Variants in LRIG1 observed in about 807,000 individuals in gnomAD.
The protein encoded by LRIG1 is leucine-rich repeats and immunoglobulin-like domains protein 1.
LRIG1 carries 48 observed loss-of-function variants against 99.2 expected under a neutral mutation model. The observed-to-expected ratio is 0.48, with a 90% CI of 0.38 to 0.62. LRIG1 has a LOEUF of 0.62. Among genes scored for constraint, LRIG1 ranks in the 20% least tolerant of loss-of-function variants. The pLI, the probability that LRIG1 is intolerant of heterozygous loss-of-function variation, is 0.00. For missense variants in LRIG1, 1,646 were observed against 1,434.4 expected (o/e 1.15, Z -2.38); for synonymous variants, 772 against 596.1 (o/e 1.29, Z -4.30).
At chr3:66,488,465 AAAAAAAAAC>A (rs1559824917) in intron 1 of LRIG1, among the ~76,000 whole-genome samples, 1 of 127,356 alleles carries the variant, frequency 7.9e-6, no homozygotes, top group Non-Finnish European at 1.8e-5. Flanking sequence ...TGTCTCTACT[AAAAAAAAAC>A]AAAAAAAAAA....
chr3:66,381,455 C>T (rs1017743601), intron 17 of LRIG1, 24 bp downstream of exon 17: 1 of 1,597,540 alleles, frequency 6.3e-7, no homozygotes, highest in African/African-American at 1.3e-5. Flanking sequence ...AAAGAAACTA[C>T]TTCCAATGGG....
At chr3:66,477,331 C>T (rs1264002855) in intron 1 of LRIG1, among the ~76,000 whole-genome samples, 1 of 152,184 alleles carries the variant, frequency 6.6e-6, no homozygotes, top group Non-Finnish European at 1.5e-5. Flanking sequence ...GTCATTTGCC[C>T]TCTGGATTCC....
chr3:66,382,456 C>T, intron 15 of LRIG1, 58 bp from the exon 16 acceptor site: 8 of 1,601,018 alleles, frequency 5.0e-6, no homozygotes, highest in East Asian at 2.2e-5. Context: ...AATGCAGACA[C>T]ACGTTCACTG....
chr3:66,435,190 G>T (rs1703314983), intron 3 of LRIG1, among the ~76,000 whole-genome samples: 1 of 152,090 alleles, frequency 6.6e-6, no homozygotes, highest in Non-Finnish European at 1.5e-5. Context: ...ATCCCAAAAG[G>T]TTATCCATAC....
rs576361868 is a variant in LRIG1, at chr3:66,398,992, C to G, written c.1210G>C (p.Gly404Arg). The G allele has an allele frequency of 1.2e-6, 2 of 1,614,072 alleles. No homozygotes were observed. The highest frequency in any genetic ancestry group is 2.7e-5 in the African/African-American group (2 of 74,934). ...CACAGGTGCTCCAGGCCTTCCAGCC[C>G]CGAGAATGCTCTCTTAGCCACAGAC... Reference protein sequence around the residue: ...IKSVAKRAFSGLEGLEHLNLG... With the variant: ...IKSVAKRAFSRLEGLEHLNLG... Residue 404 changes from glycine (G) to arginine (R), a missense_variant, in exon 10 of 19, where the codon GGG becomes CGG. Physicochemically the swap from Gly to Arg is moderately radical, Grantham distance 125. Coordinates refer to ENST00000273261, the MANE Select transcript of LRIG1 (RefSeq NM_015541.3).
chr3:66,411,037 T>G (rs1044802912), intron 6 of LRIG1, among the ~76,000 whole-genome samples: 2 of 152,184 alleles, frequency 1.3e-5, no homozygotes, highest in Non-Finnish European at 2.9e-5. Context: ...AACATGGAGA[T>G]ATCCAAGAGC....
At chr3:66,479,209 G>A (rs1296605118) in intron 1 of LRIG1, among the ~76,000 whole-genome samples, 1 of 152,350 alleles carries the variant, frequency 6.6e-6, no homozygotes, top group South Asian at 2.1e-4. Flanking sequence ...AGGCAGACCT[G>A]CCTCGGAACA....
intron 1 of LRIG1, among the ~76,000 whole-genome samples, chr3:66,495,755 T>C (rs1701212054): frequency 6.6e-6 from 1 of 152,224 alleles, no homozygotes; most frequent in Non-Finnish European, 1.5e-5. Flanking sequence ...TGCACAGCAC[T>C]GGGCCAGGTG....
intron 3 of LRIG1, among the ~76,000 whole-genome samples, chr3:66,430,977 C>T (rs1322535940): frequency 6.6e-6 from 1 of 152,012 alleles, no homozygotes; most frequent in Non-Finnish European, 1.5e-5. Context: ...CCCCAGCACA[C>T]TGATGGTGTT....
In LRIG1 at chr3:66,378,983, G is replaced by A. The variant is rs545158167; in HGVS notation, c.*1280C>T. 6.5e-6 allele frequency: 1 copy of A among 152,720 alleles called. No individual in the cohort carries two copies. Among genetic ancestry groups the A allele is most frequent in the Admixed American group, 6.5e-5 (1 of 15,302 alleles). 9.5% of individuals were successfully genotyped at this position (152,720 alleles called of 1,614,324 possible). A position where few individuals can be genotyped will look rare whatever the true frequency, so the allele number is the denominator to read the frequency against. ...CAGCAAATTCACATATTTTGTGGAA[G>A]TAAGATTAGTCAGTTAACTGTCAAG... On this transcript the variant is annotated 3_prime_UTR_variant, in exon 19 of 19. Coordinates refer to ENST00000273261, the MANE Select transcript of LRIG1 (RefSeq NM_015541.3).
At chr3:66,413,109 G>A (rs1575671726) in intron 5 of LRIG1, 95 bp from the exon 6 acceptor site, 3 of 1,434,792 alleles carry the variant, frequency 2.1e-6, no homozygotes, top group Non-Finnish European at 2.9e-6. Flanking sequence ...CCAAGCCAGA[G>A]GAGAAATCCC....
intron 11 of LRIG1, among the ~76,000 whole-genome samples, chr3:66,394,567 G>T (rs938759853): frequency 9.9e-5 from 15 of 152,126 alleles, no homozygotes; most frequent in African/African-American, 3.4e-4. Flanking sequence ...GTGACCCTGG[G>T]CTGCCTTCTG....
chr3:66,474,284 T>A (rs1037999067), intron 1 of LRIG1, among the ~76,000 whole-genome samples: 9 of 151,960 alleles, frequency 5.9e-5, no homozygotes, highest in African/African-American at 1.5e-4. Flanking sequence ...TTCTTTTTTT[T>A]AAATCATTCG....
At chr3:66,383,454 G>C (rs1459865405) in intron 14 of LRIG1, 53 bp from the exon 15 acceptor site, 1 of 1,445,016 alleles carries the variant, frequency 6.9e-7, no homozygotes, top group Non-Finnish European at 9.3e-7. Context: ...CGTTGCTCTG[G>C]CTCTGCCCGG....
chr3:66,434,682 G>C (rs1258958941), intron 3 of LRIG1, among the ~76,000 whole-genome samples: 2 of 151,592 alleles, frequency 1.3e-5, no homozygotes, highest in Admixed American at 6.6e-5. Context: ...AGGAGGCAGA[G>C]GTTGCAGTGA....
intron 3 of LRIG1, among the ~76,000 whole-genome samples, chr3:66,442,753 G>T (rs574616519): frequency 8.5e-5 from 13 of 152,048 alleles, no homozygotes; most frequent in African/African-American, 2.7e-4. Flanking sequence ...AGAAAGAGGC[G>T]GGCGGGGTGG....
At chr3:66,408,956 GTGT>G (rs1702370827) in intron 7 of LRIG1, among the ~76,000 whole-genome samples, 21 of 132,644 alleles carry the variant, frequency 1.6e-4, no homozygotes, top group South Asian at 5.4e-4. Context: ...GTGTGTGTGT[GTGT>G]GTGGTGGGGG....
At position 66,439,769 on chromosome 3, in the gene LRIG1, G is replaced by A. The variant is rs79377466; in HGVS notation, c.365+11790C>T. Among the ~76,000 whole-genome samples, 828 of 152,130 alleles carry A rather than the reference G, an allele frequency of 5.4e-3. 4 individuals are homozygous for A. Among genetic ancestry groups the A allele is most frequent in the African/African-American group, 0.018 (759 of 41,500 alleles). The stretch of plus-strand genomic sequence containing the variant: ...AGAAGAAAGAATGACCCAGATAAGG[G>A]GCAAATCCACAGTTGAATTCTGTGA... On this transcript the variant is annotated intron_variant, in intron 3 of 18. Transcript: ENST00000273261.
rs1423873665 is a variant in LRIG1, at chr3:66,481,898, C to T, written c.218+18292G>A. Among the ~76,000 whole-genome samples the T allele has an allele frequency of 2.0e-5, 3 of 152,344 alleles. 1 individual carries two copies. In the East Asian group the frequency reaches 5.8e-4, roughly 29 times the overall value. On this transcript the variant is annotated intron_variant, in intron 1 of 18. Transcript: ENST00000273261. ...GAAAGCCACATTCTAAACATGGGCT[C>T]GCTTGCAGAAGGGAAGCAGCTTACA...
Sources: gnomAD v4.1 joint callset for allele counts (sites outside exome capture counted in the v4.1 genomes callset) on GRCh38, gnomAD v4.1.1 for gene constraint, MANE v1.5 for transcripts, NCBI Gene and HGNC (gene_info 2026-07-23, HGNC 2026-07-21) for gene names.